Variants in BCKDHB observed in about 807,000 individuals in gnomAD.
BCKDHB encodes the protein 2-oxoisovalerate dehydrogenase subunit beta, mitochondrial.
In BCKDHB, 41 loss-of-function variants were observed where a neutral mutation model predicts 48.5. The ratio of observed to expected loss-of-function variants is 0.85; its 90% CI spans 0.66 to 1.10. The LOEUF (loss-of-function observed/expected upper bound fraction) is 1.10, where lower values mean the gene tolerates loss of function less well. Among genes scored for constraint, BCKDHB ranks in the 50% least tolerant of loss-of-function variants. The pLI is 0.00. For missense variants in BCKDHB, 496 were observed against 494.2 expected, an observed-to-expected ratio of 1.00 and a Z score of -0.03; for synonymous variants, 201 against 174.8, an observed-to-expected ratio of 1.15 and a Z score of -1.18.
intron 9 of BCKDHB, among the ~76,000 whole-genome samples, chr6:80,332,714 A>AAC (rs1769376042): frequency 6.6e-6 from 1 of 151,402 alleles, no homozygotes; most frequent in East Asian, 1.9e-4. Context: ...AGTAAAAAAA[A>AAC]AAAAAAAACA....
At chr6:80,366,945 C>T in the BCKDHB span, among the ~76,000 whole-genome samples, 3 of 152,184 alleles carry the variant, frequency 2.0e-5, no homozygotes, top group Non-Finnish European at 4.4e-5. Context: ...GGGAAGGCAG[C>T]CATGCAAAGT....
chr6:80,327,398 T>C (rs2128006433), intron 9 of BCKDHB, among the ~76,000 whole-genome samples: 1 of 152,362 alleles, frequency 6.6e-6, no homozygotes, highest in South Asian at 2.1e-4. Flanking sequence ...TTTGCACCAT[T>C]GTAAAATCAA....
At chr6:80,367,362 A>G in the BCKDHB span, among the ~76,000 whole-genome samples, 1 of 152,216 alleles carries the variant, frequency 6.6e-6, no homozygotes, top group Non-Finnish European at 1.5e-5. Flanking sequence ...CATTTAACTT[A>G]TATGTGTACT....
the BCKDHB span, among the ~76,000 whole-genome samples, chr6:80,423,350 C>A: frequency 5.3e-5 from 8 of 152,304 alleles, no homozygotes; most frequent in South Asian, 1.7e-3. Flanking sequence ...ATTTTTATAG[C>A]AGTGTGAAAA....
At chr6:80,289,994 G>A (rs895644730) in intron 9 of BCKDHB, among the ~76,000 whole-genome samples, 7 of 152,082 alleles carry the variant, frequency 4.6e-5, no homozygotes, top group Non-Finnish European at 7.4e-5. Flanking sequence ...CCAGGGTCAC[G>A]CTTAGCCACC....
chr6:80,149,175 C>G (rs1158899851), intron 3 of BCKDHB, among the ~76,000 whole-genome samples: 2 of 152,172 alleles, frequency 1.3e-5, no homozygotes, highest in Non-Finnish European at 2.9e-5. Flanking sequence ...TGAACAGACA[C>G]TTCTCAAAAG....
intron 1 of BCKDHB, among the ~76,000 whole-genome samples, chr6:80,124,809 A>G (rs1268396955): frequency 6.6e-6 from 1 of 152,058 alleles, no homozygotes; most frequent in Non-Finnish European, 1.5e-5. Flanking sequence ...TATTCAGGAA[A>G]CCCTGATATA....
the BCKDHB span, among the ~76,000 whole-genome samples, chr6:80,417,869 T>C: frequency 6.6e-6 from 1 of 152,186 alleles, no homozygotes; most frequent in East Asian, 1.9e-4. Flanking sequence ...TGAATTTGAA[T>C]GTTGGCCACT....
At chr6:80,187,035 G>T (rs1262518780) in intron 6 of BCKDHB, among the ~76,000 whole-genome samples, 3 of 152,124 alleles carry the variant, frequency 2.0e-5, no homozygotes, top group Admixed American at 6.6e-5. Flanking sequence ...TGGTTTTCCT[G>T]GTAGGTTCCT....
At chr6:80,286,707 A>G (rs987641427) in intron 9 of BCKDHB, among the ~76,000 whole-genome samples, 24 of 152,168 alleles carry the variant, frequency 1.6e-4, no homozygotes, top group African/African-American at 5.1e-4. Context: ...TTGCCTTTCA[A>G]CTATGAAACC....
Position 80,273,143 on chromosome 6 carries a change from C to G in BCKDHB, c.960C>G (p.Ile320Met), listed in dbSNP as rs753170463. 6.2e-7 allele frequency: 1 copy of G among 1,613,178 alleles called. No individual in the cohort carries two copies. The highest frequency in any genetic ancestry group is 8.5e-7 in the Non-Finnish European group (1 of 1,179,400). ...TTTCTTTTCTCTTTCAGTCTGTGAT[C>G]AAAACAGGGCGACTGCTAATCAGTC... ...WDVDTICKSV[I>M]KTGRLLISHE... The change falls in exon 9 of 10, where the codon ATC becomes ATG. Residue 320 changes from isoleucine to methionine, a missense_variant. Ile to Met is a conservative substitution (Grantham distance 10). Transcript: ENST00000320393.
the BCKDHB span, among the ~76,000 whole-genome samples, chr6:80,438,487 A>C: frequency 2.0e-5 from 3 of 152,224 alleles, no homozygotes; most frequent in Admixed American, 6.5e-5. Flanking sequence ...TAGAACCAAA[A>C]AGTGATACAA....
At chr6:80,389,905 A>T in the BCKDHB span, among the ~76,000 whole-genome samples, 14 of 152,120 alleles carry the variant, frequency 9.2e-5, no homozygotes, top group South Asian at 2.1e-4. Context: ...CATCACCCCT[A>T]GTGATCCAGT....
chr6:80,241,471 T>C (rs1341711974), intron 8 of BCKDHB, among the ~76,000 whole-genome samples: 1 of 152,204 alleles, frequency 6.6e-6, no homozygotes, highest in East Asian at 1.9e-4. Flanking sequence ...TTGCTGCTGT[T>C]CCTTTGTGCT....
chr6:80,115,855 C>T (rs753523007), intron 1 of BCKDHB, among the ~76,000 whole-genome samples: 1 of 152,054 alleles, frequency 6.6e-6, no homozygotes, highest in African/African-American at 2.4e-5. Context: ...CAAGGATGGT[C>T]TCAATCTCCT....
intron 9 of BCKDHB, among the ~76,000 whole-genome samples, chr6:80,320,953 C>G (rs777822611): frequency 7.2e-5 from 11 of 152,080 alleles, no homozygotes; most frequent in Non-Finnish European, 1.3e-4. Context: ...TATTTTCTTG[C>G]TATACCTCTG....
At chr6:80,395,575 C>T in the BCKDHB span, among the ~76,000 whole-genome samples, 1 of 152,156 alleles carries the variant, frequency 6.6e-6, no homozygotes, top group African/African-American at 2.4e-5. Flanking sequence ...GGAAGCAGAG[C>T]ATAAAAGTTT....
intron 3 of BCKDHB, among the ~76,000 whole-genome samples, chr6:80,135,519 G>T (rs1770843071): frequency 6.6e-6 from 1 of 151,980 alleles, no homozygotes; most frequent in Non-Finnish European, 1.5e-5. Flanking sequence ...ATTTTTAAAG[G>T]ATTGTTAGTA....
At chr6:80,279,235 C>T (rs182557160) in intron 9 of BCKDHB, among the ~76,000 whole-genome samples, 1 of 152,108 alleles carries the variant, frequency 6.6e-6, no homozygotes, top group African/African-American at 2.4e-5. Flanking sequence ...CTCACTGCAA[C>T]CTCTGCCTCC....
Sources: allele counts gnomAD v4.1 joint callset (sites outside exome capture counted in the v4.1 genomes callset), GRCh38; gene constraint gnomAD v4.1.1; transcripts MANE v1.5; gene names NCBI Gene and HGNC (gene_info 2026-07-23, HGNC 2026-07-21).